Variants in CCSER1 observed in about 807,000 individuals in gnomAD.
CCSER1 encodes the protein coiled-coil serine rich protein 1, also known as serine-rich coiled-coil domain-containing protein 1.
In CCSER1, 41 loss-of-function variants were observed where a neutral mutation model predicts 82.0. The observed-to-expected ratio is 0.50, with a 90% CI of 0.39 to 0.65. The LOEUF is 0.65. CCSER1 is among the 30% of genes least tolerant of loss of function. The pLI, the probability that CCSER1 is intolerant of heterozygous loss-of-function variation, is 0.00. For synonymous variants in CCSER1, 414 were observed against 383.9 expected (o/e 1.08, Z -0.92); for missense variants, 1,119 against 1,064.2 (o/e 1.05, Z -0.72).
chr4:90,628,275 AC>A, intron 6 of CCSER1, 43 bp downstream of exon 6: 1 of 1,492,508 alleles, frequency 6.7e-7, no homozygotes, highest in Non-Finnish European at 9.3e-7. Context: ...GTGCTGGTAG[AC>A]AATGAAGTCT....
At chr4:90,606,339 A>G (rs1333952322) in intron 5 of CCSER1, among the ~76,000 whole-genome samples, 1 of 152,210 alleles carries the variant, frequency 6.6e-6, no homozygotes, top group Non-Finnish European at 1.5e-5. Context: ...ACACACCTAC[A>G]TTATAACGCA....
chr4:91,317,980 T>A (rs888353182), intron 10 of CCSER1, among the ~76,000 whole-genome samples: 1 of 151,992 alleles, frequency 6.6e-6, no homozygotes, highest in Non-Finnish European at 1.5e-5. Context: ...GAGATGGTCC[T>A]CATTTCATAG....
At chr4:90,819,440 T>C (rs144083687) in intron 8 of CCSER1, among the ~76,000 whole-genome samples, 31 of 152,314 alleles carry the variant, frequency 2.0e-4, no homozygotes, top group Admixed American at 3.9e-4. Context: ...AGTTCTACTA[T>C]ATATTTTTTT....
chr4:91,118,246 T>A (rs1173722443), intron 10 of CCSER1, among the ~76,000 whole-genome samples: 1 of 151,760 alleles, frequency 6.6e-6, no homozygotes, highest in African/African-American at 2.4e-5. Context: ...TTTGTGGTAC[T>A]CTCTTTCTGG....
At chr4:90,459,085 A>T (rs1383634611) in intron 4 of CCSER1, among the ~76,000 whole-genome samples, 1 of 152,196 alleles carries the variant, frequency 6.6e-6, no homozygotes, top group Non-Finnish European at 1.5e-5. Flanking sequence ...GTATCTACAT[A>T]TATAGATAGT....
At chr4:90,231,943 C>A (rs1430664789) in intron 1 of CCSER1, among the ~76,000 whole-genome samples, 1 of 150,710 alleles carries the variant, frequency 6.6e-6, no homozygotes, top group East Asian at 2.0e-4. Context: ...TCAAGGAGAA[C>A]TACAAACCAC....
chr4:90,968,856 TA>T (rs144783889), intron 9 of CCSER1, among the ~76,000 whole-genome samples: 14,594 of 150,024 alleles, frequency 0.097, 889 homozygotes, highest in Admixed American at 0.17. Context: ...ATGAAATATC[TA>T]AAAAAAAATC....
At chr4:90,645,497 G>C (rs1340910864) in intron 6 of CCSER1, among the ~76,000 whole-genome samples, 2 of 152,066 alleles carry the variant, frequency 1.3e-5, no homozygotes, top group Non-Finnish European at 2.9e-5. Context: ...TAGATATGTA[G>C]GGATTTACTG....
chr4:91,412,210 T>C (rs536535408), intron 10 of CCSER1, among the ~76,000 whole-genome samples: 1 of 152,114 alleles, frequency 6.6e-6, no homozygotes, highest in South Asian at 2.1e-4. Flanking sequence ...TAAATATATC[T>C]ATATTCCTGT....
intron 8 of CCSER1, among the ~76,000 whole-genome samples, chr4:90,855,895 T>C (rs1293520484): frequency 6.6e-6 from 1 of 152,152 alleles, no homozygotes; most frequent in Non-Finnish European, 1.5e-5. Context: ...ATCTATTACA[T>C]GTGAATGACA....
intron 10 of CCSER1, among the ~76,000 whole-genome samples, chr4:91,210,385 G>A (rs1248519727): frequency 6.6e-6 from 1 of 151,208 alleles, no homozygotes; most frequent in African/African-American, 2.4e-5. Flanking sequence ...TATTTACATA[G>A]CTTTAAAGTA....
At chr4:90,928,193 T>C (rs1729294324) in intron 9 of CCSER1, among the ~76,000 whole-genome samples, 1 of 152,096 alleles carries the variant, frequency 6.6e-6, no homozygotes. Flanking sequence ...TTGAGTTATA[T>C]ATTCCAGGTT....
chr4:91,423,999 A>ACCTT (rs1560659690), intron 10 of CCSER1, among the ~76,000 whole-genome samples: 4 of 89,632 alleles, frequency 4.5e-5, no homozygotes, highest in African/African-American at 1.8e-4. Context: ...AACTCAGCAG[A>ACCTT]TCTTTTTTTT....
At chr4:90,423,728 C>T (rs563908700) in intron 4 of CCSER1, among the ~76,000 whole-genome samples, 8 of 151,880 alleles carry the variant, frequency 5.3e-5, no homozygotes, top group Non-Finnish European at 8.8e-5. Flanking sequence ...CCGCCTGCAT[C>T]GGCTTCCCAA....
At chr4:90,879,451 A>T (rs914324440) in intron 8 of CCSER1, among the ~76,000 whole-genome samples, 1 of 151,720 alleles carries the variant, frequency 6.6e-6, no homozygotes, top group Non-Finnish European at 1.5e-5. Context: ...GTGCACATAT[A>T]CCCTAGAACT....
At chr4:91,593,020 G>A (rs189362375) in intron 10 of CCSER1, among the ~76,000 whole-genome samples, 2 of 152,008 alleles carry the variant, frequency 1.3e-5, no homozygotes, top group East Asian at 1.9e-4. Flanking sequence ...ATTATTAAAC[G>A]TTCATTAATC....
At chr4:91,443,840 AT>A (rs986818243) in intron 10 of CCSER1, among the ~76,000 whole-genome samples, 1 of 151,112 alleles carries the variant, frequency 6.6e-6, no homozygotes, top group African/African-American at 2.4e-5. Context: ...TTATATAGAT[AT>A]TTAACAATTC....
At chr4:91,313,601 C>T (rs1016505795) in intron 10 of CCSER1, among the ~76,000 whole-genome samples, 4 of 152,048 alleles carry the variant, frequency 2.6e-5, no homozygotes, top group African/African-American at 7.2e-5. Context: ...TTGCTTAAAC[C>T]ATTAAAACGT....
intron 10 of CCSER1, among the ~76,000 whole-genome samples, chr4:91,232,318 C>T (rs1738686149): frequency 6.6e-6 from 1 of 151,750 alleles, no homozygotes; most frequent in African/African-American, 2.4e-5. Flanking sequence ...AGCTTAAAAA[C>T]AATCTCAATA....
Sources: gnomAD v4.1 joint callset for allele counts (sites outside exome capture counted in the v4.1 genomes callset) on GRCh38, gnomAD v4.1.1 for gene constraint, MANE v1.5 for transcripts, NCBI Gene and HGNC (gene_info 2026-07-23, HGNC 2026-07-21) for gene names.